Variants in CABIN1 observed in about 807,000 individuals in gnomAD.
The protein encoded by CABIN1 is calcineurin binding protein 1, also known as calcineurin-binding protein cabin-1.
CABIN1 carries 133 observed loss-of-function variants against 227.7 expected under a neutral mutation model. The observed-to-expected ratio is 0.58, with a 90% CI of 0.51 to 0.67. The LOEUF (loss-of-function observed/expected upper bound fraction) is 0.67. Among genes scored for constraint, CABIN1 ranks in the 30% least tolerant of loss-of-function variants. CABIN1 has a pLI of 0.00. For synonymous variants in CABIN1, 1,086 were observed against 1,155.1 expected (o/e 0.94, Z 1.21); for missense variants, 2,408 against 2,852.5 (o/e 0.84, Z 3.55).
Position 24,176,054 on chromosome 22 carries a change from G to GT in CABIN1, c.6041-55dup, listed in dbSNP as rs557068987. 50 of 1,568,058 alleles carry GT rather than the reference G, an allele frequency of 3.2e-5. No homozygotes were observed. The African/African-American group carries it at 6.1e-4, about 19-fold the overall frequency. On this transcript the variant is annotated intron_variant, in intron 34 of 36. Coordinates refer to ENST00000263119, the MANE Select transcript of CABIN1 (RefSeq NM_012295.4). ...GGCCCATAGGACCTGACACAGATGC[G>GT]TTGGAGCCTGCGGGGTGGATGAGTC...
chr22:24,100,271 A>G (rs549364351), intron 26 of CABIN1, among the ~76,000 whole-genome samples: 1 of 152,300 alleles, frequency 6.6e-6, no homozygotes, highest in African/African-American at 2.4e-5. Context: ...CTGGCTGCAT[A>G]ATGCTTTCAG....
At chr22:24,091,466 G>T in intron 23 of CABIN1, 117 bp from the exon 24 acceptor site, 1 of 1,254,414 alleles carries the variant, frequency 8.0e-7, no homozygotes, top group Non-Finnish European at 1.2e-6. Context: ...TCTGTGTCTT[G>T]GTTGTTAAGA....
chr22:24,017,097 C>T (rs913472391), intron 1 of CABIN1, among the ~76,000 whole-genome samples: 5 of 142,458 alleles, frequency 3.5e-5, no homozygotes, highest in Admixed American at 7.4e-5. Context: ...AGTGCAATGG[C>T]GCGATCTCGG....
intron 8 of CABIN1, among the ~76,000 whole-genome samples, chr22:24,053,599 G>A (rs1452062145): frequency 1.3e-5 from 2 of 151,646 alleles, no homozygotes; most frequent in African/African-American, 2.4e-5. Context: ...GGCAGGTCTC[G>A]AACTCCTGAC....
intron 19 of CABIN1, 139 bp downstream of exon 19, chr22:24,076,423 A>T: frequency 1.4e-6 from 1 of 715,696 alleles, no homozygotes; most frequent in Non-Finnish European, 2.5e-6. Flanking sequence ...TGTGTCTTTG[A>T]CTTACTGCAT....
chr22:24,177,753 C>T lies in CABIN1; in HGVS notation c.6455C>T (p.Pro2152Leu). Residue 2152 changes from proline (P) to leucine (L), a missense_variant, in exon 36 of 37, where the codon CCA (proline) becomes CTA (leucine). Pro to Leu is a moderately conservative substitution (Grantham distance 98, BLOSUM62 -3). Coordinates refer to ENST00000263119, the MANE Select transcript of CABIN1 (RefSeq NM_012295.4). The surrounding 1 kb of genome is among the most constrained non-coding windows in gnomAD (Gnocchi z 4.4). ...TTCCCCCCTGAGATCACCGTCACGC[C>T]ACCCACCCCAACCCTGCTCTCCCCC... ...TKFPPEITVT[P>L]PTPTLLSPKG... 1 of 1,611,766 alleles carries T rather than the reference C, an allele frequency of 6.2e-7. No homozygotes were observed. The highest frequency in any genetic ancestry group is 8.5e-7 in the Non-Finnish European group (1 of 1,178,430).
chr22:24,048,712 C>T (rs1329107323), intron 6 of CABIN1, among the ~76,000 whole-genome samples: 1 of 152,204 alleles, frequency 6.6e-6, no homozygotes, highest in Non-Finnish European at 1.5e-5. Flanking sequence ...GAGCCCTGTG[C>T]CTGGCTATTT....
chr22:24,139,922 G>A (rs1013297138), intron 29 of CABIN1, among the ~76,000 whole-genome samples: 27 of 152,258 alleles, frequency 1.8e-4, no homozygotes, highest in African/African-American at 6.0e-4. Context: ...GCAAAGCCTT[G>A]GCCCTGGCCA....
In CABIN1 at chr22:24,035,525, G is replaced by T. The variant is rs1295715054; in HGVS notation, c.3+5G>T. The T allele has an allele frequency of 1.1e-5, 17 of 1,614,132 alleles. No individual in the cohort carries two copies. Among genetic ancestry groups the T allele is most frequent in the Non-Finnish European group, 1.4e-5 (17 of 1,180,022 alleles). Reference sequence around the variant, plus strand: ...TGCTGAATCTCTCTGAATATGGTAAGGACTGATGCCTGCCTATTTTGCGGA... The same window carrying T: ...TGCTGAATCTCTCTGAATATGGTAATGACTGATGCCTGCCTATTTTGCGGA... On this transcript the variant is annotated splice_donor_5th_base_variant and intron_variant, in intron 2 of 36. Transcript: ENST00000263119.
At chr22:24,041,052 G>T (rs2037328308) in intron 4 of CABIN1, 87 bp from the exon 5 acceptor site, 1 of 1,545,302 alleles carries the variant, frequency 6.5e-7, no homozygotes, top group African/African-American at 1.4e-5. Flanking sequence ...GCCTGCAGCA[G>T]AGGCCAGCCT....
intron 1 of CABIN1, among the ~76,000 whole-genome samples, chr22:24,027,228 A>G (rs1201063475): frequency 6.6e-6 from 1 of 152,162 alleles, no homozygotes; most frequent in Non-Finnish European, 1.5e-5. Context: ...CCTGTACCCT[A>G]TGACTTTGCT....
At chr22:24,104,619 CAG>C (rs1241201017) in intron 26 of CABIN1, among the ~76,000 whole-genome samples, 1 of 152,206 alleles carries the variant, frequency 6.6e-6, no homozygotes, top group Non-Finnish European at 1.5e-5. Context: ...TCCTCTCTCT[CAG>C]GGGCCCCCAG....
At chr22:24,113,245 A>T (rs975496726) in intron 26 of CABIN1, among the ~76,000 whole-genome samples, 8 of 152,362 alleles carry the variant, frequency 5.3e-5, no homozygotes, top group South Asian at 4.1e-4. Context: ...CCATGGTGGG[A>T]ATATTTACAC....
At chr22:24,093,689 C>A (rs951271231) in intron 24 of CABIN1, among the ~76,000 whole-genome samples, 11 of 152,032 alleles carry the variant, frequency 7.2e-5, no homozygotes, top group African/African-American at 2.4e-4. Flanking sequence ...GACTAGCGGG[C>A]AACATGATGA....
intron 1 of CABIN1, among the ~76,000 whole-genome samples, chr22:24,016,576 T>A (rs1213109271): frequency 6.6e-6 from 1 of 152,262 alleles, no homozygotes. Flanking sequence ...TCCATTATCT[T>A]GCAGTTACAA....
At chr22:24,122,005 A>G (rs2043438422) in intron 28 of CABIN1, among the ~76,000 whole-genome samples, 1 of 152,236 alleles carries the variant, frequency 6.6e-6, no homozygotes, top group Non-Finnish European at 1.5e-5. Context: ...GAAGTGGGGA[A>G]GGACAGCAGG....
intron 26 of CABIN1, among the ~76,000 whole-genome samples, chr22:24,109,671 C>T (rs1301226560): frequency 6.6e-6 from 1 of 152,126 alleles, no homozygotes; most frequent in East Asian, 1.9e-4. Flanking sequence ...GTCTGCCTTT[C>T]TCCTTGTGTT....
At chr22:24,051,284 C>T (rs2038313607) in intron 8 of CABIN1, among the ~76,000 whole-genome samples, 1 of 152,156 alleles carries the variant, frequency 6.6e-6, no homozygotes, top group African/African-American at 2.4e-5. Context: ...TGGAAACTAA[C>T]ATTTGCCAAG....
chr22:24,165,071 G>A (rs898055716), intron 30 of CABIN1, among the ~76,000 whole-genome samples: 2 of 152,214 alleles, frequency 1.3e-5, no homozygotes, highest in Non-Finnish European at 2.9e-5. Context: ...TGGAAGAGAC[G>A]CAGCTCAGAT....
Sources: allele counts gnomAD v4.1 joint callset (sites outside exome capture counted in the v4.1 genomes callset), GRCh38; gene constraint gnomAD v4.1.1; non-coding constraint Gnocchi (gnomAD v3.1); transcripts MANE v1.5; gene names NCBI Gene and HGNC (gene_info 2026-07-23, HGNC 2026-07-21).